Variants in NCOA1 observed in about 807,000 individuals in gnomAD.
NCOA1 encodes Hin-2 protein.
Under a neutral mutation model 150.9 loss-of-function variants are expected in NCOA1, and 35 were observed. The ratio of observed to expected loss-of-function variants is 0.23; its 90% CI spans 0.18 to 0.31. The LOEUF is 0.31. Ranked by LOEUF, NCOA1 falls within the 10% of genes least tolerant of loss-of-function variation. NCOA1 has a pLI of 1.00. For missense variants in NCOA1, 1,491 were observed against 1,749.3 expected, an observed-to-expected ratio of 0.85 and a Z score of 2.63; for synonymous variants, 590 against 630.0, an observed-to-expected ratio of 0.94 and a Z score of 0.95.
chr2:24,698,035 TC>T (rs1239054449), intron 11 of NCOA1, among the ~76,000 whole-genome samples: 1 of 152,124 alleles, frequency 6.6e-6, no homozygotes, highest in Non-Finnish European at 1.5e-5. Context: ...ATTCATTCAT[TC>T]ATTCAGCAGG....
In NCOA1 at chr2:24,706,771, C is replaced by T; in HGVS notation, c.1301C>T (p.Ser434Phe). 1 of 1,614,194 alleles carries T rather than the reference C, an allele frequency of 6.2e-7. No homozygotes were observed. The highest frequency in any genetic ancestry group is 1.3e-5 in the African/African-American group (1 of 75,058). Residue 434 changes from serine to phenylalanine, a missense_variant, in exon 13 of 23, where the codon TCT (serine) becomes TTT (phenylalanine). By Grantham distance (155) the Ser-to-Phe change is radical. Around this residue, in one of 8 missense-constraint regions of NCOA1, gnomAD observed 703 missense variants for 717.7 expected, o/e 0.98. Transcript: ENST00000348332. ...CTTCATAGCAGCAGTCATAGTAATT[C>T]TAGCAACAGCCAAGGAAGTTTCGGA... ...SDLHSSSHSN[S>F]SNSQGSFGCS...
At chr2:24,594,031 T>C (rs962727178) in intron 3 of NCOA1, among the ~76,000 whole-genome samples, 1 of 152,110 alleles carries the variant, frequency 6.6e-6, no homozygotes, top group Admixed American at 6.6e-5. Context: ...GATCCTGATA[T>C]TTGCCTCATT....
intron 2 of NCOA1, among the ~76,000 whole-genome samples, chr2:24,570,527 A>C (rs1187049732): frequency 6.6e-6 from 1 of 151,300 alleles, no homozygotes; most frequent in African/African-American, 2.4e-5. Context: ...GCAACCAAAT[A>C]GTTGCTGAGA....
intron 4 of NCOA1, among the ~76,000 whole-genome samples, chr2:24,657,528 G>A (rs1160567957): frequency 2.0e-5 from 3 of 152,172 alleles, no homozygotes; most frequent in Non-Finnish European, 4.4e-5. Flanking sequence ...CTTTTTGGTT[G>A]CATGAAATAA....
intron 3 of NCOA1, among the ~76,000 whole-genome samples, chr2:24,617,318 C>T (rs940976584): frequency 1.3e-5 from 2 of 152,192 alleles, no homozygotes; most frequent in South Asian, 2.1e-4. Context: ...GTACAAAAAT[C>T]CTTCTCGAAA....
intron 9 of NCOA1, among the ~76,000 whole-genome samples, chr2:24,692,914 G>A (rs1672730929): frequency 6.6e-6 from 1 of 152,200 alleles, no homozygotes; most frequent in African/African-American, 2.4e-5. Flanking sequence ...AGGCTGGACT[G>A]CAGTGGCGTG....
At chr2:24,763,537 CAAAA>C (rs35265100) in intron 22 of NCOA1, among the ~76,000 whole-genome samples, 1 of 80,900 alleles carries the variant, frequency 1.2e-5, no homozygotes, top group African/African-American at 5.0e-5. Context: ...GACTCCATCT[CAAAA>C]AAAAAAAAAA....
chr2:24,626,272 G>A (rs1226947971), intron 3 of NCOA1, among the ~76,000 whole-genome samples: 1 of 152,194 alleles, frequency 6.6e-6, no homozygotes, highest in Non-Finnish European at 1.5e-5. Flanking sequence ...GTGACTAGGG[G>A]TGTGACATTG....
chr2:24,516,977 C>CGTATACGTATATATACGTGTAT (rs143605372), intron 1 of NCOA1, among the ~76,000 whole-genome samples: 3 of 58,966 alleles, frequency 5.1e-5, no homozygotes, highest in African/African-American at 4.6e-5. Flanking sequence ...TATATATACA[C>CGTATACGTATATATACGTGTAT]ATATACGTAT....
At chr2:24,630,126 C>T (rs778714705) in intron 3 of NCOA1, among the ~76,000 whole-genome samples, 3 of 151,908 alleles carry the variant, frequency 2.0e-5, no homozygotes, top group Non-Finnish European at 4.4e-5. Flanking sequence ...ATTACAGGCG[C>T]GAGCCACCGC....
intron 7 of NCOA1, among the ~76,000 whole-genome samples, chr2:24,674,694 C>T (rs536004013): frequency 6.6e-6 from 1 of 152,210 alleles, no homozygotes; most frequent in East Asian, 1.9e-4. Flanking sequence ...AATTAAGTGA[C>T]ACAATTTCTT....
chr2:24,718,060 A>G (rs112166770), intron 14 of NCOA1, among the ~76,000 whole-genome samples: 1,549 of 151,914 alleles, frequency 0.01, 18 homozygotes, highest in Middle Eastern at 0.058. Flanking sequence ...CTATGCCTGG[A>G]TAATTTTTTT....
At chr2:24,492,787 CTG>C (rs1259662683) in intron 1 of NCOA1, among the ~76,000 whole-genome samples, 2 of 152,114 alleles carry the variant, frequency 1.3e-5, no homozygotes, top group Non-Finnish European at 2.9e-5. Context: ...AGAGGAATCT[CTG>C]TGGCGATGAT....
chr2:24,562,509 G>A (rs747277468), intron 1 of NCOA1, among the ~76,000 whole-genome samples: 1 of 152,118 alleles, frequency 6.6e-6, no homozygotes, highest in Non-Finnish European at 1.5e-5. Flanking sequence ...AAGAAACCTC[G>A]ATTCCATTCC....
At chr2:24,499,456 A>C (rs574271773) in intron 1 of NCOA1, among the ~76,000 whole-genome samples, 2 of 152,116 alleles carry the variant, frequency 1.3e-5, no homozygotes, top group Admixed American at 1.3e-4. Flanking sequence ...ATCTAATTTC[A>C]TGCCCTCTAA....
intron 4 of NCOA1, among the ~76,000 whole-genome samples, chr2:24,649,867 T>C (rs1014463969): frequency 2.6e-5 from 4 of 152,186 alleles, no homozygotes; most frequent in African/African-American, 9.6e-5. Flanking sequence ...GTATTAAATA[T>C]ATTGTTTCAA....
At chr2:24,611,041 G>T (rs1485154550) in intron 3 of NCOA1, among the ~76,000 whole-genome samples, 1 of 152,124 alleles carries the variant, frequency 6.6e-6, no homozygotes, top group Non-Finnish European at 1.5e-5. Flanking sequence ...GGGTGTGAAT[G>T]ACCCTGTCAC....
At chr2:24,707,975 T>C in intron 13 of NCOA1, 87 bp downstream of exon 13, 1 of 1,437,600 alleles carries the variant, frequency 7.0e-7, no homozygotes, top group South Asian at 1.5e-5. Flanking sequence ...CAGATATGAA[T>C]TCATACTATG....
chr2:24,604,401 A>G (rs943509822), intron 3 of NCOA1, among the ~76,000 whole-genome samples: 2 of 152,218 alleles, frequency 1.3e-5, no homozygotes, highest in Non-Finnish European at 2.9e-5. Flanking sequence ...CCTGAATGGC[A>G]TCTTCTTCCA....
Sources: allele counts gnomAD v4.1 joint callset (sites outside exome capture counted in the v4.1 genomes callset), GRCh38; gene constraint gnomAD v4.1.1; regional missense constraint gnomAD v4.1.1; transcripts MANE v1.5; gene names NCBI Gene and HGNC (gene_info 2026-07-23, HGNC 2026-07-21).